USP42: variants seen among roughly 807,000 people sequenced by gnomAD.
USP42 encodes ubiquitin specific peptidase 42.
Under a neutral mutation model 113.0 loss-of-function variants are expected in USP42, and 23 were observed. The observed-to-expected ratio is 0.20, with a 90% CI of 0.15 to 0.29. The LOEUF (loss-of-function observed/expected upper bound fraction) is 0.29, where lower values mean the gene tolerates loss of function less well. Among genes scored for constraint, USP42 ranks in the 10% least tolerant of loss-of-function variants. The probability of loss-of-function intolerance (pLI) is 1.00; values close to 1 mark genes in which losing one functional copy is unlikely to be tolerated. For missense variants in USP42, 2,174 were observed against 1,779.8 expected (o/e 1.22, Z -3.99); for synonymous variants, 933 against 699.0 (o/e 1.33, Z -5.28).
chr7:6,084,126 A>T, the USP42 span, among the ~76,000 whole-genome samples: 1 of 151,292 alleles, frequency 6.6e-6, no homozygotes, highest in African/African-American at 2.5e-5. Context: ...TCTCGGGTTC[A>T]AGTGATTCTC....
chr7:6,142,885 A>G (rs1250123528), intron 7 of USP42, 47 bp from the exon 8 acceptor site: 9 of 1,596,364 alleles, frequency 5.6e-6, no homozygotes, highest in Middle Eastern at 1.8e-4. Context: ...CCCAAACACA[A>G]GTGACGGTGT....
At chr7:6,151,156 G>A (rs935419670) in intron 14 of USP42, among the ~76,000 whole-genome samples, 2 of 152,242 alleles carry the variant, frequency 1.3e-5, no homozygotes, top group Admixed American at 1.3e-4. Context: ...CACTTACCAT[G>A]AATGGAGCTG....
chr7:6,149,451 C>CT (rs1332362219), intron 12 of USP42, 132 bp from the exon 13 acceptor site: 1 of 1,114,858 alleles, frequency 9.0e-7, no homozygotes, highest in East Asian at 2.6e-5. Context: ...GAGAACATTT[C>CT]CAGGTGTATG....
chr7:6,081,431 G>A, the USP42 span, among the ~76,000 whole-genome samples: 5 of 152,136 alleles, frequency 3.3e-5, no homozygotes, highest in Admixed American at 6.5e-5. Context: ...TGCGCTCGCG[G>A]GCCCCAGAAC....
At chr7:6,141,202 T>TC (rs1781411366) in intron 7 of USP42, among the ~76,000 whole-genome samples, 1 of 138,652 alleles carries the variant, frequency 7.2e-6, no homozygotes, top group African/African-American at 2.7e-5. Context: ...TTTTCTTTTC[T>TC]TTTTTTTTTT....
rs892955485 is a variant in USP42 at position 6,157,543 on chromosome 7, G to A, written c.3943+488G>A. 7 of 293,848 alleles carry A rather than the reference G, an allele frequency of 2.4e-5. No individual in the cohort carries two copies. Among genetic ancestry groups the A allele is most frequent in the Admixed American group, 6.5e-5 (1 of 15,426 alleles). 18.2% of individuals were successfully genotyped at this position (293,848 alleles called of 1,614,324 possible). A position where few individuals can be genotyped will look rare whatever the true frequency, so the allele number is the denominator to read the frequency against. On this transcript the variant is annotated intron_variant, in intron 16 of 17. Transcript: ENST00000306177. The surrounding 1 kb of genome is among the most constrained non-coding windows in gnomAD (Gnocchi z 4.1). ...CTCCTGAGTAGCCGGGACTACAGGCGCCCGCCACCACGCCCGGCTAAATTT... is the reference window on the plus strand; with the variant it reads ...CTCCTGAGTAGCCGGGACTACAGGCACCCGCCACCACGCCCGGCTAAATTT...
rs988732100 is a variant in USP42, at chr7:6,159,490, T to C, written c.*33T>C. The C allele has an allele frequency of 2.7e-5, 44 of 1,613,380 alleles. No homozygotes were observed. In the Middle Eastern group the frequency reaches 2.8e-3, roughly 103 times the overall value. On this transcript the variant is annotated 3_prime_UTR_variant, in exon 17 of 18. Transcript: ENST00000306177. This position sits in a 1 kb window ranked among gnomAD's most constrained non-coding sequence, Gnocchi z 4.1. The stretch of plus-strand genomic sequence containing the variant: ...GCCTCAAAACAAAAAATTCACTAGT[T>C]ATGGTAAGCTGTTTTCCTGTCTGTT...
the USP42 span, among the ~76,000 whole-genome samples, chr7:6,092,103 T>TTCTTCTTCTTCC: frequency 1.2e-5 from 1 of 86,876 alleles, no homozygotes; most frequent in African/African-American, 5.2e-5. Context: ...CTTCCTCCTC[T>TTCTTCTTCTTCC]TCTTCTTCTT....
In USP42 at chr7:6,139,902, C is replaced by G; in HGVS notation, c.657-226C>G. 1 of 573,286 alleles carries G rather than the reference C, an allele frequency of 1.7e-6. No individual in the cohort carries two copies. 35.5% of individuals were successfully genotyped at this position (573,286 alleles called of 1,614,324 possible). The stretch of plus-strand genomic sequence containing the variant: ...GCTTCCCGAGTCCCTTCCTGACAGA[C>G]ACAGCTCCCACAGCTCTGCGTCTCC... On this transcript the variant is annotated intron_variant, in intron 5 of 17. Transcript: ENST00000306177. This position sits in a 1 kb window ranked among gnomAD's most constrained non-coding sequence, Gnocchi z 4.5.
chr7:6,154,536 C>T lies in USP42; in HGVS notation c.2982C>T (p.His994=), dbSNP rs1256121887. 3.2e-6 allele frequency: 5 copies of T among 1,543,570 alleles called. No homozygotes were observed. Among genetic ancestry groups the T allele is most frequent in the South Asian group, 2.4e-5 (2 of 83,710 alleles). ...CPRERDRQDR[H]APEHHPGHGD... ...GGGAGCGCGACCGCCAGGACCGCCA[C>T]GCCCCGGAGCACCACCCCGGCCACG... is the stretch of plus-strand genomic sequence containing the variant. Residue 994 remains histidine (H), a synonymous_variant, in exon 15 of 18, where the codon CAC becomes CAT. Transcript: ENST00000306177.
chr7:6,112,367 T>G (rs1261190982), intron 2 of USP42, among the ~76,000 whole-genome samples: 1 of 152,008 alleles, frequency 6.6e-6, no homozygotes, highest in African/African-American at 2.4e-5. Flanking sequence ...GAGAATCGCA[T>G]GAACCTGGGA....
chr7:6,159,384 C>G lies in USP42; in HGVS notation c.3944-66C>G, dbSNP rs562514857. On this transcript the variant is annotated intron_variant, in intron 16 of 17. Coordinates refer to ENST00000306177, the MANE Select transcript of USP42 (RefSeq NM_032172.3). This position sits in a 1 kb window ranked among gnomAD's most constrained non-coding sequence, Gnocchi z 4.1. Reference sequence around the variant, plus strand: ...TGACCATAGCCACTTAACGCACACACACAGCAGAGGCCCTGGCGATTTTGC... The same window carrying G: ...TGACCATAGCCACTTAACGCACACAGACAGCAGAGGCCCTGGCGATTTTGC... 8.4e-5 allele frequency: 135 copies of G among 1,609,524 alleles called. 1 individual carries two copies. In the East Asian group the frequency reaches 2.4e-3, roughly 28 times the overall value.
chr7:6,122,138 T>C (rs1469078154), intron 3 of USP42, among the ~76,000 whole-genome samples: 1 of 152,252 alleles, frequency 6.6e-6, no homozygotes, highest in Non-Finnish European at 1.5e-5. Flanking sequence ...TAATGTGCTC[T>C]GTTCCAGTGT....
In USP42 at chr7:6,154,959, C is replaced by G; in HGVS notation, c.3405C>G (p.Asp1135Glu). ...LAPHPDRFSH[D>E]RTALVAGDNC... ...CGCACCCCGACCGCTTCTCCCACGA[C>G]AGAACTGCACTTGTAGCCGGAGACA... Residue 1135 changes from aspartate to glutamate, a missense_variant, in exon 15 of 18, where the codon GAC (aspartate) becomes GAG (glutamate). Asp to Glu is a conservative substitution (Grantham distance 45). Coordinates refer to ENST00000306177, the MANE Select transcript of USP42 (RefSeq NM_032172.3). 6.4e-7 allele frequency: 1 copy of G among 1,558,496 alleles called. No homozygotes were observed. The highest frequency in any genetic ancestry group is 8.7e-7 in the Non-Finnish European group (1 of 1,150,750).
At chr7:6,098,245 A>G in the USP42 span, among the ~76,000 whole-genome samples, 1 of 150,300 alleles carries the variant, frequency 6.7e-6, no homozygotes, top group Non-Finnish European at 1.5e-5. Flanking sequence ...CCCATGATGT[A>G]TCAGAACCTG....
chr7:6,160,266 C>T (rs907439651), intron 17 of USP42, among the ~76,000 whole-genome samples: 1 of 152,182 alleles, frequency 6.6e-6, no homozygotes, highest in African/African-American at 2.4e-5. Flanking sequence ...AGGGAGAGGC[C>T]CAACCCTAAT....
intron 3 of USP42, among the ~76,000 whole-genome samples, chr7:6,130,484 C>A (rs1780792828): frequency 6.6e-6 from 1 of 152,142 alleles, no homozygotes; most frequent in Non-Finnish European, 1.5e-5. Context: ...TGGCTTTTTA[C>A]TACTGGGTGG....
At chr7:6,126,590 C>G (rs550686334) in intron 3 of USP42, among the ~76,000 whole-genome samples, 2 of 152,168 alleles carry the variant, frequency 1.3e-5, no homozygotes, top group African/African-American at 4.8e-5. Context: ...GGCCTGATAA[C>G]GCCACAGTTT....
chr7:6,125,477 C>T (rs1376495414), intron 3 of USP42, among the ~76,000 whole-genome samples: 7 of 152,062 alleles, frequency 4.6e-5, no homozygotes, highest in East Asian at 1.9e-4. Flanking sequence ...GCAACAAGAG[C>T]GAAACTCTGT....
Sources: allele counts gnomAD v4.1 joint callset (sites outside exome capture counted in the v4.1 genomes callset), GRCh38; gene constraint gnomAD v4.1.1; non-coding constraint Gnocchi (gnomAD v3.1); transcripts MANE v1.5; gene names NCBI Gene and HGNC (gene_info 2026-07-23, HGNC 2026-07-21).